The following RIMS1 variants were observed in gnomAD, a reference collection of about 807,000 sequenced individuals.
The protein encoded by RIMS1 is regulating synaptic membrane exocytosis protein 1.
A neutral mutation model predicts 214.1 loss-of-function variants in RIMS1; 83 were observed. The observed-to-expected ratio is 0.39, with a 90% CI of 0.32 to 0.47. RIMS1 has a LOEUF of 0.47. Ranked by LOEUF, RIMS1 falls within the 20% of genes least tolerant of loss-of-function variation. RIMS1 has a pLI of 0.99. For synonymous variants in RIMS1, 793 were observed against 786.8 expected, an observed-to-expected ratio of 1.01 and a Z score of -0.13; for missense variants, 2,050 against 2,161.8, an observed-to-expected ratio of 0.95 and a Z score of 1.03.
rs200497744 is a variant in RIMS1, at chr6:72,303,109, CTATG to C, written c.3851-4145_3851-4142del. ...AAGTTTAAATTATAAGCGTTCTAAA[CTATG>C]TATAACTATAATGTTTACAATATTT... On this transcript the variant is annotated intron_variant, in intron 26 of 33. Coordinates refer to ENST00000521978, the MANE Select transcript of RIMS1 (RefSeq NM_014989.7). 4.4e-4 allele frequency among the ~76,000 whole-genome samples: 66 copies of C among 151,014 alleles called. No homozygotes were observed. The East Asian group carries it at 0.012, about 28-fold the overall frequency.
chr6:72,400,217 T>C (rs2098825599), intron 33 of RIMS1, among the ~76,000 whole-genome samples: 1 of 152,194 alleles, frequency 6.6e-6, no homozygotes, highest in Non-Finnish European at 1.5e-5. Context: ...TACTCTTATG[T>C]ATTTATTTCT....
intron 4 of RIMS1, among the ~76,000 whole-genome samples, chr6:72,172,619 C>G (rs1310250714): frequency 6.6e-6 from 1 of 152,126 alleles, no homozygotes; most frequent in Non-Finnish European, 1.5e-5. Flanking sequence ...TTAACCAGAG[C>G]CAAGCAATGA....
intron 23 of RIMS1, among the ~76,000 whole-genome samples, chr6:72,277,280 A>G (rs1311368878): frequency 2.0e-5 from 3 of 152,112 alleles, no homozygotes; most frequent in South Asian, 2.1e-4. Flanking sequence ...AGGTACTTTT[A>G]TCTAAGAATA....
At chr6:72,202,105 T>C (rs1208459392) in intron 6 of RIMS1, among the ~76,000 whole-genome samples, 1 of 152,248 alleles carries the variant, frequency 6.6e-6, no homozygotes, top group African/African-American at 2.4e-5. Context: ...TGTGTCTTTT[T>C]TAAAAGCACA....
At chr6:72,392,852 G>A (rs552893755) in intron 31 of RIMS1, 42 bp downstream of exon 31, 10 of 1,360,922 alleles carry the variant, frequency 7.3e-6, no homozygotes, top group Middle Eastern at 1.8e-4. Flanking sequence ...TTGATGTTTT[G>A]TGTTTGACAA....
At chr6:72,388,732 G>T (rs2098655162) in intron 29 of RIMS1, among the ~76,000 whole-genome samples, 1 of 152,172 alleles carries the variant, frequency 6.6e-6, no homozygotes. Context: ...GATGGATTGG[G>T]TGTGGGGTGT....
At chr6:72,397,773 G>C (rs2098796023) in intron 31 of RIMS1, among the ~76,000 whole-genome samples, 2 of 151,622 alleles carry the variant, frequency 1.3e-5, no homozygotes, top group South Asian at 4.2e-4. Flanking sequence ...ATAAAATGAT[G>C]GTGTATGATC....
At chr6:71,994,135 C>T (rs1454529181) in intron 2 of RIMS1, among the ~76,000 whole-genome samples, 1 of 152,020 alleles carries the variant, frequency 6.6e-6, no homozygotes, top group Non-Finnish European at 1.5e-5. Flanking sequence ...TGGGAATTCC[C>T]CTAGCTACTT....
chr6:72,332,660 A>C (rs1378484591), intron 28 of RIMS1, among the ~76,000 whole-genome samples: 2 of 150,372 alleles, frequency 1.3e-5, no homozygotes, highest in African/African-American at 4.9e-5. Flanking sequence ...CATTGTGCAC[A>C]TGTACCCTAA....
intron 2 of RIMS1, among the ~76,000 whole-genome samples, chr6:71,974,297 G>T (rs984513717): frequency 3.9e-5 from 6 of 152,036 alleles, no homozygotes; most frequent in Non-Finnish European, 7.4e-5. Context: ...GTGGGAATTT[G>T]TGTGTGGGCA....
chr6:72,399,067 T>C lies in RIMS1; in HGVS notation c.4833T>C (p.Asp1611=). The C allele has an allele frequency of 1.9e-6, 3 of 1,608,784 alleles. No homozygotes were observed. Among genetic ancestry groups the C allele is most frequent in the Non-Finnish European group, 8.5e-7 (1 of 1,177,206 alleles). ...TGTATCAGCAGTCTCTGGTTTTTGATGAAAGTCCACAGGGTAAAGTTCTTC... is the reference window on the plus strand; with the variant it reads ...TGTATCAGCAGTCTCTGGTTTTTGACGAAAGTCCACAGGGTAAAGTTCTTC... ...DPLYQQSLVF[D]ESPQGKVLQV... is the part of the protein sequence containing the mutation. Residue 1611 remains aspartate, a synonymous_variant, in exon 33 of 34, where the codon GAT becomes GAC. Coordinates refer to ENST00000521978, the MANE Select transcript of RIMS1 (RefSeq NM_014989.7).
intron 2 of RIMS1, among the ~76,000 whole-genome samples, chr6:72,053,922 A>G (rs1825400189): frequency 6.6e-6 from 1 of 151,948 alleles, no homozygotes; most frequent in African/African-American, 2.4e-5. Flanking sequence ...TTATTTTTTT[A>G]TTTTACTTTA....
intron 29 of RIMS1, among the ~76,000 whole-genome samples, chr6:72,383,206 A>G (rs1228225084): frequency 6.6e-6 from 1 of 152,162 alleles, no homozygotes; most frequent in Non-Finnish European, 1.5e-5. Flanking sequence ...ACATAAAGTT[A>G]AATACATATA....
chr6:72,188,990 G>A (rs1294950331), intron 6 of RIMS1, among the ~76,000 whole-genome samples: 1 of 152,184 alleles, frequency 6.6e-6, no homozygotes, highest in Non-Finnish European at 1.5e-5. Context: ...GAATCATTGT[G>A]TCTCCTGGTG....
At chr6:72,247,391 C>T (rs1468964005) in intron 11 of RIMS1, among the ~76,000 whole-genome samples, 1 of 151,804 alleles carries the variant, frequency 6.6e-6, no homozygotes, top group East Asian at 1.9e-4. Flanking sequence ...CAAAATTAGC[C>T]GGACGTGTTG....
chr6:72,114,726 T>G (rs1161313007), intron 4 of RIMS1, among the ~76,000 whole-genome samples: 1 of 151,910 alleles, frequency 6.6e-6, no homozygotes, highest in Non-Finnish European at 1.5e-5. Flanking sequence ...ATTATGTTGT[T>G]TTGAAACTCC....
chr6:72,140,102 C>T (rs1240707609), intron 4 of RIMS1, among the ~76,000 whole-genome samples: 1 of 152,100 alleles, frequency 6.6e-6, no homozygotes, highest in Non-Finnish European at 1.5e-5. Flanking sequence ...TGAGCTCTGA[C>T]TAAGTGGAGC....
chr6:72,144,734 C>T (rs1004276321), intron 4 of RIMS1, among the ~76,000 whole-genome samples: 1 of 152,142 alleles, frequency 6.6e-6, no homozygotes, highest in Non-Finnish European at 1.5e-5. Context: ...TTACATTACC[C>T]ATCCCTTTTA....
chr6:72,163,443 TGGA>T (rs1382359902), intron 4 of RIMS1, among the ~76,000 whole-genome samples: 15 of 141,392 alleles, frequency 1.1e-4, no homozygotes, highest in Non-Finnish European at 2.4e-4. Flanking sequence ...TGTGTTCCTT[TGGA>T]GGAGGAGAGG....
Sources: gnomAD v4.1 joint callset for allele counts (sites outside exome capture counted in the v4.1 genomes callset) on GRCh38, gnomAD v4.1.1 for gene constraint, MANE v1.5 for transcripts, NCBI Gene and HGNC (gene_info 2026-07-23, HGNC 2026-07-21) for gene names.